Variants in EDIL3 observed in about 807,000 individuals in gnomAD.
EDIL3 encodes EGF like and discoidin domains 3.
EDIL3 carries 37 observed loss-of-function variants against 67.4 expected under a neutral mutation model. That is an observed-to-expected ratio of 0.55 (90% CI 0.42 to 0.72). The LOEUF (loss-of-function observed/expected upper bound fraction) is 0.72. Ranked by LOEUF, EDIL3 falls within the 30% of genes least tolerant of loss-of-function variation. EDIL3 has a pLI of 0.00. For synonymous variants in EDIL3, 195 were observed against 196.3 expected, an observed-to-expected ratio of 0.99 and a Z score of 0.05; for missense variants, 527 against 586.3, an observed-to-expected ratio of 0.90 and a Z score of 1.04.
intron 1 of EDIL3, among the ~76,000 whole-genome samples, chr5:84,340,785 G>A (rs960403370): frequency 2.0e-5 from 3 of 151,538 alleles, no homozygotes; most frequent in African/African-American, 7.3e-5. Flanking sequence ...TATGGCCCCT[G>A]CACTATTCTC....
intron 1 of EDIL3, among the ~76,000 whole-genome samples, chr5:84,312,757 T>C (rs1310693394): frequency 6.6e-6 from 1 of 152,228 alleles, no homozygotes; most frequent in Non-Finnish European, 1.5e-5. Flanking sequence ...TTTTGGATCC[T>C]TTTTGTAATT....
At chr5:84,029,771 G>A (rs1370096019) in intron 9 of EDIL3, among the ~76,000 whole-genome samples, 3 of 151,960 alleles carry the variant, frequency 2.0e-5, no homozygotes, top group African/African-American at 7.3e-5. Context: ...ATCCTCACAG[G>A]GCACTCTACT....
intron 1 of EDIL3, among the ~76,000 whole-genome samples, chr5:84,336,006 T>A (rs1746977842): frequency 6.6e-6 from 1 of 152,198 alleles, no homozygotes; most frequent in African/African-American, 2.4e-5. Flanking sequence ...GATCTTTAAA[T>A]ACATTTATGA....
At chr5:84,143,026 CTCCCATGAGTGA>C (rs1030228389) in intron 4 of EDIL3, among the ~76,000 whole-genome samples, 9 of 151,980 alleles carry the variant, frequency 5.9e-5, no homozygotes, top group African/African-American at 2.2e-4. Flanking sequence ...TTCTCCAGAC[CTCCCATGAGTGA>C]TTGCCTTTTA....
chr5:84,260,946 A>C (rs1256510191), intron 1 of EDIL3, among the ~76,000 whole-genome samples: 1 of 152,238 alleles, frequency 6.6e-6, no homozygotes. Flanking sequence ...ACATACTTAC[A>C]TATGGAAAAG....
chr5:84,093,848 C>T (rs989129468), intron 6 of EDIL3, among the ~76,000 whole-genome samples: 16 of 151,822 alleles, frequency 1.1e-4, no homozygotes, highest in Non-Finnish European at 1.6e-4. Flanking sequence ...TTAGTAGAGA[C>T]GGGGTTTCAC....
At chr5:84,075,967 AT>A (rs571106032) in intron 6 of EDIL3, among the ~76,000 whole-genome samples, 7 of 130,086 alleles carry the variant, frequency 5.4e-5, no homozygotes, top group Admixed American at 1.6e-4. Flanking sequence ...ATATATATAT[AT>A]AAATATTTAT....
intron 9 of EDIL3, among the ~76,000 whole-genome samples, chr5:84,006,215 C>T (rs922182383): frequency 6.6e-6 from 1 of 151,742 alleles, no homozygotes; most frequent in Non-Finnish European, 1.5e-5. Context: ...AAAAACATTC[C>T]ATGCTCAAGA....
intron 10 of EDIL3, among the ~76,000 whole-genome samples, chr5:83,960,599 A>G (rs1269273738): frequency 6.6e-6 from 1 of 151,118 alleles, no homozygotes; most frequent in East Asian, 1.9e-4. Flanking sequence ...ATATGTAGCT[A>G]TAATCTATTT....
At chr5:84,330,284 T>A (rs1746842644) in intron 1 of EDIL3, among the ~76,000 whole-genome samples, 1 of 152,158 alleles carries the variant, frequency 6.6e-6, no homozygotes, top group South Asian at 2.1e-4. Flanking sequence ...TGCTTGGGAT[T>A]CAGAAATGTG....
chr5:84,189,730 T>C (rs1029173455), intron 3 of EDIL3, among the ~76,000 whole-genome samples: 10 of 152,054 alleles, frequency 6.6e-5, no homozygotes, highest in Non-Finnish European at 1.5e-4. Flanking sequence ...TCTATATCAA[T>C]ACTCTGTAGT....
intron 9 of EDIL3, among the ~76,000 whole-genome samples, chr5:83,971,666 T>C (rs1482014838): frequency 2.0e-5 from 3 of 152,182 alleles, no homozygotes; most frequent in East Asian, 3.9e-4. Flanking sequence ...ATAGGACCTA[T>C]ATTATCTTGT....
intron 9 of EDIL3, among the ~76,000 whole-genome samples, chr5:84,058,006 G>T (rs1375851135): frequency 1.3e-5 from 2 of 152,086 alleles, no homozygotes; most frequent in African/African-American, 4.8e-5. Context: ...TAAGTCAGAC[G>T]TGGGCAGAAT....
At chr5:84,041,713 G>T (rs200227984) in intron 9 of EDIL3, among the ~76,000 whole-genome samples, 16 of 144,472 alleles carry the variant, frequency 1.1e-4, no homozygotes, top group African/African-American at 3.6e-4. Context: ...TATATATATA[G>T]ATATATATAA....
chr5:84,354,613 C>T (rs305638), intron 1 of EDIL3, among the ~76,000 whole-genome samples: 2,341 of 149,786 alleles, frequency 0.016, 64 homozygotes, highest in African/African-American at 0.052. Flanking sequence ...GCTGAGATCA[C>T]GCCACTGCAC....
intron 9 of EDIL3, among the ~76,000 whole-genome samples, chr5:84,038,357 T>C (rs1287191942): frequency 6.6e-6 from 1 of 152,154 alleles, no homozygotes; most frequent in Non-Finnish European, 1.5e-5. Context: ...GATCATTTTG[T>C]CATAAATTAT....
At chr5:84,297,051 G>C (rs1266685832) in intron 1 of EDIL3, among the ~76,000 whole-genome samples, 1 of 151,780 alleles carries the variant, frequency 6.6e-6, no homozygotes, top group Non-Finnish European at 1.5e-5. Flanking sequence ...GTATGGAAGG[G>C]GGTGCCAATA....
At chr5:84,061,924 T>C (rs1214305407) in intron 8 of EDIL3, among the ~76,000 whole-genome samples, 1 of 152,128 alleles carries the variant, frequency 6.6e-6, no homozygotes, top group Non-Finnish European at 1.5e-5. Flanking sequence ...GAACTCTTCA[T>C]TGATCAATAA....
At chr5:84,213,203 T>G (rs1296685912) in intron 3 of EDIL3, among the ~76,000 whole-genome samples, 2 of 136,198 alleles carry the variant, frequency 1.5e-5, no homozygotes, top group Non-Finnish European at 3.2e-5. Flanking sequence ...TTTTTTTTTT[T>G]GACGATCTTA....
Sources: allele counts gnomAD v4.1 joint callset (sites outside exome capture counted in the v4.1 genomes callset), GRCh38; gene constraint gnomAD v4.1.1; transcripts MANE v1.5; gene names NCBI Gene and HGNC (gene_info 2026-07-23, HGNC 2026-07-21).